The following LEKR1 variants were observed in gnomAD, a reference collection of about 807,000 sequenced individuals.
The protein encoded by LEKR1 is leucine, glutamate and lysine rich 1.
In LEKR1, 59 loss-of-function variants were observed where a neutral mutation model predicts 72.4. The observed-to-expected ratio is 0.82, with a 90% CI of 0.66 to 1.01. The LOEUF (loss-of-function observed/expected upper bound fraction) is 1.01. LEKR1 is among the 50% of genes least tolerant of loss of function. LEKR1 has a pLI of 0.00. For missense variants in LEKR1, 728 were observed against 759.2 expected (o/e 0.96, Z 0.48); for synonymous variants, 257 against 263.2 (o/e 0.98, Z 0.23).
chr3:156,994,659 A>G (rs1165531051), intron 9 of LEKR1, among the ~76,000 whole-genome samples: 1 of 152,244 alleles, frequency 6.6e-6, no homozygotes, highest in Non-Finnish European at 1.5e-5. Context: ...AGCAGAGATA[A>G]AACCTATATA....
chr3:156,930,122 C>G (rs1725072380), intron 5 of LEKR1, among the ~76,000 whole-genome samples: 2 of 152,012 alleles, frequency 1.3e-5, no homozygotes, highest in Non-Finnish European at 2.9e-5. Context: ...ATGCATGGGT[C>G]CTAATCACAC....
intron 2 of LEKR1, among the ~76,000 whole-genome samples, chr3:156,830,084 A>T (rs781383530): frequency 2.6e-5 from 4 of 152,200 alleles, no homozygotes; most frequent in Non-Finnish European, 5.9e-5. Context: ...CAAGAGATGT[A>T]AAAAAACATA....
chr3:156,889,202 G>A (rs1169074047), intron 3 of LEKR1, among the ~76,000 whole-genome samples: 1 of 151,754 alleles, frequency 6.6e-6, no homozygotes, highest in African/African-American at 2.4e-5. Context: ...ATTATGGGAG[G>A]GAGGACTGCA....
intron 10 of LEKR1, among the ~76,000 whole-genome samples, chr3:157,022,660 C>G (rs1415794714): frequency 6.6e-6 from 1 of 152,128 alleles, no homozygotes; most frequent in East Asian, 1.9e-4. Flanking sequence ...CTGGGCCATA[C>G]AATTCATTGG....
chr3:156,837,816 C>T (rs1198181065), intron 2 of LEKR1, among the ~76,000 whole-genome samples: 2 of 152,138 alleles, frequency 1.3e-5, no homozygotes, highest in Non-Finnish European at 2.9e-5. Flanking sequence ...AAATTCTTAC[C>T]CTTTTGCCGG....
intron 3 of LEKR1, among the ~76,000 whole-genome samples, chr3:156,871,351 T>C (rs1389375735): frequency 6.6e-6 from 1 of 152,222 alleles, no homozygotes; most frequent in African/African-American, 2.4e-5. Context: ...TAATCCAGTC[T>C]ATCATTGTTG....
At chr3:156,932,299 A>G (rs1725295147) in intron 5 of LEKR1, among the ~76,000 whole-genome samples, 1 of 152,214 alleles carries the variant, frequency 6.6e-6, no homozygotes, top group African/African-American at 2.4e-5. Flanking sequence ...ACTTCTAACA[A>G]TTTTGTTATG....
intron 3 of LEKR1, among the ~76,000 whole-genome samples, chr3:156,891,759 C>A (rs1015287320): frequency 1.3e-5 from 2 of 152,060 alleles, no homozygotes; most frequent in Non-Finnish European, 2.9e-5. Context: ...CCATTCCCCC[C>A]ACAACATACC....
At chr3:156,883,942 A>G (rs1033644235) in intron 3 of LEKR1, among the ~76,000 whole-genome samples, 1 of 152,194 alleles carries the variant, frequency 6.6e-6, no homozygotes, top group African/African-American at 2.4e-5. Context: ...TAATTGTTTT[A>G]TAAATTTGGG....
At chr3:157,004,601 G>A (rs75783525) in intron 9 of LEKR1, among the ~76,000 whole-genome samples, 1 of 151,922 alleles carries the variant, frequency 6.6e-6, no homozygotes, top group African/African-American at 2.4e-5. Context: ...AAATTTTAAA[G>A]GATTTAAATA....
intron 3 of LEKR1, among the ~76,000 whole-genome samples, chr3:156,863,981 A>C (rs567117022): frequency 6.6e-6 from 1 of 152,168 alleles, no homozygotes; most frequent in Non-Finnish European, 1.5e-5. Context: ...AACATTGTGA[A>C]GAACTCAGCA....
chr3:156,858,291 C>T (rs1223821444), intron 3 of LEKR1, among the ~76,000 whole-genome samples: 4 of 151,868 alleles, frequency 2.6e-5, no homozygotes, highest in Non-Finnish European at 5.9e-5. Flanking sequence ...GCTTTTTTTC[C>T]TAGGAAAATA....
At chr3:156,998,546 A>G (rs1271696541) in intron 9 of LEKR1, among the ~76,000 whole-genome samples, 2 of 152,228 alleles carry the variant, frequency 1.3e-5, no homozygotes, top group Middle Eastern at 3.2e-3. Context: ...ATTTGCCCAT[A>G]ACATGATGGG....
At chr3:156,962,397 A>C (rs1354924363) in intron 6 of LEKR1, among the ~76,000 whole-genome samples, 1 of 152,232 alleles carries the variant, frequency 6.6e-6, no homozygotes, top group African/African-American at 2.4e-5. Context: ...CAGCTTGATA[A>C]TGAACCACTG....
chr3:156,955,943 A>G (rs1320857411), intron 6 of LEKR1, among the ~76,000 whole-genome samples: 2 of 121,666 alleles, frequency 1.6e-5, no homozygotes, highest in Non-Finnish European at 3.4e-5. Context: ...AAGGATGTTC[A>G]TACTGTAGAA....
intron 5 of LEKR1, among the ~76,000 whole-genome samples, chr3:156,930,035 T>A (rs1376049847): frequency 6.6e-6 from 1 of 152,084 alleles, no homozygotes; most frequent in Non-Finnish European, 1.5e-5. Flanking sequence ...GAGTGAAGTG[T>A]GGTTTGGCAG....
At chr3:157,036,714 A>G (rs1225470841) in intron 12 of LEKR1, among the ~76,000 whole-genome samples, 2 of 152,216 alleles carry the variant, frequency 1.3e-5, no homozygotes, top group African/African-American at 2.4e-5. Context: ...ACAGCAGTGC[A>G]TCAGATTGAA....
chr3:156,828,280 G>A (rs765157400), intron 1 of LEKR1, among the ~76,000 whole-genome samples: 1 of 152,060 alleles, frequency 6.6e-6, no homozygotes, highest in African/African-American at 2.4e-5. Flanking sequence ...TGACAACTAC[G>A]GTTTCCCTGC....
chr3:156,827,394 C>G (rs988037853), intron 1 of LEKR1, among the ~76,000 whole-genome samples: 2 of 152,142 alleles, frequency 1.3e-5, no homozygotes, highest in African/African-American at 2.4e-5. Context: ...CTGTGCATTA[C>G]TTAGGAGGAA....
Sources: allele counts gnomAD v4.1 joint callset (sites outside exome capture counted in the v4.1 genomes callset), GRCh38; gene constraint gnomAD v4.1.1; transcripts MANE v1.5; gene names NCBI Gene and HGNC (gene_info 2026-07-23, HGNC 2026-07-21).